Variants in PPP2R2A observed in about 807,000 individuals in gnomAD.
The protein encoded by PPP2R2A is protein phosphatase 2 regulatory subunit Balpha, also known as serine/threonine-protein phosphatase 2A 55 kDa regulatory subunit B alpha isoform.
A neutral mutation model predicts 53.2 loss-of-function variants in PPP2R2A; 9 were observed. That is an observed-to-expected ratio of 0.17 (90% CI 0.10 to 0.30). The LOEUF (loss-of-function observed/expected upper bound fraction) is 0.30, where lower values mean the gene tolerates loss of function less well. PPP2R2A is among the 10% of genes least tolerant of loss of function. The pLI is 1.00. For missense variants in PPP2R2A, 235 were observed against 534.6 expected, an observed-to-expected ratio of 0.44 and a Z score of 5.53; for synonymous variants, 169 against 174.2, an observed-to-expected ratio of 0.97 and a Z score of 0.23.
intron 4 of PPP2R2A, among the ~76,000 whole-genome samples, chr8:26,357,664 T>A (rs1804863946): frequency 6.6e-6 from 1 of 152,128 alleles, no homozygotes; most frequent in Admixed American, 6.5e-5. Flanking sequence ...CTTAACAACT[T>A]CTTGATAAGT....
At chr8:26,330,038 C>T (rs771937205) in intron 2 of PPP2R2A, among the ~76,000 whole-genome samples, 5 of 152,108 alleles carry the variant, frequency 3.3e-5, no homozygotes, top group Admixed American at 1.3e-4. Context: ...CCGCCCTGCC[C>T]CTTCCCAGGA....
intron 3 of PPP2R2A, 35 bp downstream of exon 3, chr8:26,339,022 T>C (rs780018450): frequency 6.0e-5 from 89 of 1,487,346 alleles, no homozygotes; most frequent in Admixed American, 6.0e-4. Flanking sequence ...AAATTTCAGT[T>C]TGATCTTAGG....
intron 4 of PPP2R2A, among the ~76,000 whole-genome samples, chr8:26,359,627 C>A (rs1043352430): frequency 7.7e-6 from 1 of 129,544 alleles, no homozygotes; most frequent in Non-Finnish European, 1.6e-5. Context: ...ACTTGTGAAC[C>A]CTGATACAAG....
At chr8:26,318,570 TG>T (rs1802681295) in intron 2 of PPP2R2A, among the ~76,000 whole-genome samples, 1 of 152,238 alleles carries the variant, frequency 6.6e-6, no homozygotes, top group Admixed American at 6.5e-5. Flanking sequence ...TGCCTACTTT[TG>T]TATATGATTG....
At chr8:26,366,910 G>A (rs553684465) in intron 9 of PPP2R2A, among the ~76,000 whole-genome samples, 4 of 152,118 alleles carry the variant, frequency 2.6e-5, no homozygotes, top group Non-Finnish European at 2.9e-5. Flanking sequence ...CAGTTTTGCC[G>A]TAGTGTAATT....
intron 2 of PPP2R2A, among the ~76,000 whole-genome samples, chr8:26,327,811 C>A (rs189552948): frequency 6.6e-6 from 1 of 152,130 alleles, no homozygotes; most frequent in South Asian, 2.1e-4. Context: ...TTGTAAAGTT[C>A]ATTTACTGTG....
intron 4 of PPP2R2A, among the ~76,000 whole-genome samples, chr8:26,355,136 G>A (rs1335962193): frequency 3.9e-5 from 6 of 152,244 alleles, no homozygotes; most frequent in African/African-American, 1.4e-4. Context: ...TCAAAGGATG[G>A]TCTCCATTCC....
chr8:26,308,819 A>G (rs1490908654), intron 2 of PPP2R2A, among the ~76,000 whole-genome samples: 1 of 152,142 alleles, frequency 6.6e-6, no homozygotes, highest in Non-Finnish European at 1.5e-5. Context: ...CCAGATCTTT[A>G]AGCGGAATCA....
At chr8:26,318,943 C>T (rs1248270853) in intron 2 of PPP2R2A, among the ~76,000 whole-genome samples, 5 of 152,130 alleles carry the variant, frequency 3.3e-5, no homozygotes, top group African/African-American at 4.8e-5. Context: ...GTGCAGCCAT[C>T]GCCACCATCC....
intron 2 of PPP2R2A, among the ~76,000 whole-genome samples, chr8:26,310,128 A>C (rs1802208836): frequency 6.9e-6 from 1 of 145,958 alleles, no homozygotes. Context: ...TAAAAATACA[A>C]AAATTAGCTG....
chr8:26,345,902 CTCTT>C (rs966380815), intron 3 of PPP2R2A, among the ~76,000 whole-genome samples: 1 of 152,106 alleles, frequency 6.6e-6, no homozygotes, highest in Non-Finnish European at 1.5e-5. Context: ...ACGGCATCAG[CTCTT>C]TTTCTCACGA....
chr8:26,293,997 C>A (rs1801427870), intron 2 of PPP2R2A: 2 of 428,386 alleles, frequency 4.7e-6, no homozygotes, highest in Non-Finnish European at 8.4e-6. Context: ...AAGATCCTCA[C>A]ATGAAAGCTC....
chr8:26,366,260 A>C, intron 8 of PPP2R2A, 55 bp from the exon 9 acceptor site: 1 of 1,395,780 alleles, frequency 7.2e-7, no homozygotes, highest in Non-Finnish European at 1.0e-6. Context: ...AAAGATATGG[A>C]CTTGTTAAAT....
intron 2 of PPP2R2A, among the ~76,000 whole-genome samples, chr8:26,300,755 G>A (rs1447622705): frequency 1.3e-5 from 2 of 152,184 alleles, no homozygotes; most frequent in African/African-American, 4.8e-5. Context: ...TCAGGCTGAG[G>A]CAGAAGAATT....
At chr8:26,335,043 T>G (rs1184160998) in intron 2 of PPP2R2A, among the ~76,000 whole-genome samples, 1 of 152,156 alleles carries the variant, frequency 6.6e-6, no homozygotes, top group African/African-American at 2.4e-5. Flanking sequence ...CAGCCGAGGA[T>G]GCTTACAACT....
chr8:26,330,036 C>T (rs1477614600), intron 2 of PPP2R2A, among the ~76,000 whole-genome samples: 1 of 152,136 alleles, frequency 6.6e-6, no homozygotes, highest in Non-Finnish European at 1.5e-5. Flanking sequence ...TCCCGCCCTG[C>T]CCCTTCCCAG....
chr8:26,319,384 T>C (rs760859298), intron 2 of PPP2R2A, among the ~76,000 whole-genome samples: 3 of 152,256 alleles, frequency 2.0e-5, no homozygotes, highest in Non-Finnish European at 1.5e-5. Context: ...GGAACAATCA[T>C]ACTGTTTTCC....
rs1454490354 is a variant in PPP2R2A at position 26,371,826 on chromosome 8, A to G, written c.*1413A>G. ...AGCGGTGATACATTATCCAAAGATG[A>G]AGAGTGCTCCTATTTTTAATAGGTA... On this transcript the variant is annotated 3_prime_UTR_variant, in exon 10 of 10. Transcript: ENST00000380737. 1.3e-5 allele frequency: 2 copies of G among 152,216 alleles called. No homozygotes were observed. The highest frequency in any genetic ancestry group is 2.9e-5 in the Non-Finnish European group (2 of 68,024). The allele number at this position is 152,216 out of a possible 1,614,324, so 9.4% of individuals were successfully genotyped here.
In PPP2R2A at chr8:26,370,490, A is replaced by G. The variant is rs1281719718; in HGVS notation, c.*77A>G. Reference sequence around the variant, plus strand: ...AATCTAGCATTCGTTCCTATAAAAGAGAGAGGTCCATTGTGGCGCCCCTTT... The same window carrying G: ...AATCTAGCATTCGTTCCTATAAAAGGGAGAGGTCCATTGTGGCGCCCCTTT... On this transcript the variant is annotated 3_prime_UTR_variant, in exon 10 of 10. Transcript: ENST00000380737. The surrounding 1 kb of genome is among the most constrained non-coding windows in gnomAD (Gnocchi z 6.1). 4.6e-6 allele frequency: 7 copies of G among 1,508,312 alleles called. No homozygotes were observed. Among genetic ancestry groups the G allele is most frequent in the Non-Finnish European group, 6.3e-6 (7 of 1,104,466 alleles). 93.4% of individuals were successfully genotyped at this position (1,508,312 alleles called of 1,614,324 possible).
Sources: gnomAD v4.1 joint callset for allele counts (sites outside exome capture counted in the v4.1 genomes callset) on GRCh38, gnomAD v4.1.1 for gene constraint, Gnocchi (gnomAD v3.1) non-coding constraint, MANE v1.5 for transcripts, NCBI Gene and HGNC (gene_info 2026-07-23, HGNC 2026-07-21) for gene names.